The following ARHGEF33 variants were observed in gnomAD, a reference collection of about 807,000 sequenced individuals.
ARHGEF33 encodes DH and coiled-coil domain-containing protein ENSP00000381780.
ARHGEF33 carries 72 observed loss-of-function variants against 101.9 expected under a neutral mutation model. The observed-to-expected ratio is 0.71, with a 90% CI of 0.58 to 0.86. The LOEUF (loss-of-function observed/expected upper bound fraction) is 0.86. ARHGEF33 is among the 40% of genes least tolerant of loss of function. The pLI, the probability that ARHGEF33 is intolerant of heterozygous loss-of-function variation, is 0.00. For missense variants in ARHGEF33, 1,169 were observed against 1,111.3 expected, an observed-to-expected ratio of 1.05 and a Z score of -0.74; for synonymous variants, 499 against 442.5, an observed-to-expected ratio of 1.13 and a Z score of -1.60.
rs959891185 is a variant in ARHGEF33 at position 38,960,078 on chromosome 2, G to A, written c.1773G>A (p.Val591=). ...CTCCGGCGGAGCCGCTGGGCAACGTGGAGCGCTCCCTGCGCGCCCCGGCCG... is the reference window on the plus strand; with the variant it reads ...CTCCGGCGGAGCCGCTGGGCAACGTAGAGCGCTCCCTGCGCGCCCCGGCCG... ...ESSPAEPLGN[V]ERSLRAPAEL... is the part of the protein sequence containing the mutation. The change falls in exon 16 of 18, where the codon GTG becomes GTA. Residue 591 remains valine (V), a synonymous_variant. Coordinates refer to ENST00000409978, the MANE Select transcript of ARHGEF33 (RefSeq NM_001145451.5). 1.9e-6 allele frequency: 3 copies of A among 1,542,354 alleles called. No homozygotes were observed. In the Admixed American group the frequency reaches 5.9e-5, roughly 30 times the overall value.
rs549802833 is a variant in ARHGEF33 at position 38,960,391 on chromosome 2, G to A, written c.2086G>A (p.Ala696Thr). The A allele has an allele frequency of 5.8e-5, 88 of 1,510,370 alleles. No individual in the cohort carries two copies. Among genetic ancestry groups the A allele is most frequent in the Middle Eastern group, 2.3e-4 (1 of 4,344 alleles). The allele number at this position is 1,510,370 out of a possible 1,614,324, so 93.6% of individuals were successfully genotyped here. Residue 696 changes from alanine (A) to threonine (T), a missense_variant, in exon 16 of 18, where the codon GCG becomes ACG. Coordinates refer to ENST00000409978, the MANE Select transcript of ARHGEF33 (RefSeq NM_001145451.5). ...SSSAYKLEAA[A>T]QAHGKAKPLS... is the part of the protein sequence containing the mutation. ...CAGCGCCTACAAACTGGAGGCGGCG[G>A]CGCAGGCGCACGGCAAGGCCAAGCC...
rs565767716 is a variant in ARHGEF33 at position 38,889,959 on chromosome 2, A to G, written c.-186A>G. 11 of 470,762 alleles carry G rather than the reference A, an allele frequency of 2.3e-5. No homozygotes were observed. Among genetic ancestry groups the G allele is most frequent in the East Asian group, 1.4e-4 (2 of 14,380 alleles). 29.2% of individuals were successfully genotyped at this position (470,762 alleles called of 1,614,324 possible). A position where few individuals can be genotyped will look rare whatever the true frequency, so the allele number is the denominator to read the frequency against. Reference sequence around the variant, plus strand: ...AACCCAGATAAGCCTTGATCTGAGGATGATATAACCACCGCAGGCAACATG... The same window carrying G: ...AACCCAGATAAGCCTTGATCTGAGGGTGATATAACCACCGCAGGCAACATG... On this transcript the variant is annotated 5_prime_UTR_variant, in exon 1 of 18. The change abolishes an upstream ATG in the 5' untranslated region. Coordinates refer to ENST00000409978, the MANE Select transcript of ARHGEF33 (RefSeq NM_001145451.5).
At position 38,956,816 on chromosome 2, in the gene ARHGEF33, A is replaced by G; in HGVS notation, c.1222-83A>G. 2.8e-6 allele frequency: 4 copies of G among 1,453,444 alleles called. No individual in the cohort carries two copies. In the Admixed American group the frequency reaches 6.1e-5, roughly 22 times the overall value. The allele number at this position is 1,453,444 out of a possible 1,614,324, so 90.0% of individuals were successfully genotyped here. A position where few individuals can be genotyped will look rare whatever the true frequency, so the allele number is the denominator to read the frequency against. On this transcript the variant is annotated intron_variant, in intron 13 of 17. Coordinates refer to ENST00000409978, the MANE Select transcript of ARHGEF33 (RefSeq NM_001145451.5). Reference sequence around the variant, plus strand: ...ATTAAATGGCTATGAATCTCCCACAATAGATCAAGGTGAGGTGCAGAAGAG... The same window carrying G: ...ATTAAATGGCTATGAATCTCCCACAGTAGATCAAGGTGAGGTGCAGAAGAG...
intron 2 of ARHGEF33, among the ~76,000 whole-genome samples, chr2:38,910,288 C>T (rs1023667526): frequency 4.6e-5 from 7 of 152,282 alleles, no homozygotes; most frequent in Middle Eastern, 3.4e-3. Flanking sequence ...AAATTATTGG[C>T]AGCCAAGTGT....
intron 16 of ARHGEF33, 86 bp from the exon 17 acceptor site, chr2:38,965,920 C>T: frequency 1.3e-6 from 2 of 1,487,404 alleles, no homozygotes; most frequent in South Asian, 1.3e-5. Context: ...AGAGGAAAGT[C>T]ACAACACCAC....
intron 7 of ARHGEF33, among the ~76,000 whole-genome samples, chr2:38,934,173 T>C (rs1667071889): frequency 6.6e-6 from 1 of 152,238 alleles, no homozygotes; most frequent in Non-Finnish European, 1.5e-5. Context: ...TAGTTTTTGG[T>C]ACCCTTGATA....
Position 38,958,248 on chromosome 2 carries a change from A to G in ARHGEF33, c.1535+50A>G, listed in dbSNP as rs10173563. Reference sequence around the variant, plus strand: ...GTTAATGCCAATGCCTTTGGGACCCAGCCAGTCTGTGCGGGTTAGCAGGGC... The same window carrying G: ...GTTAATGCCAATGCCTTTGGGACCCGGCCAGTCTGTGCGGGTTAGCAGGGC... On this transcript the variant is annotated intron_variant, in intron 15 of 17. Coordinates refer to ENST00000409978, the MANE Select transcript of ARHGEF33 (RefSeq NM_001145451.5). The G allele has an allele frequency of 0.014, 21,220 of 1,546,018 alleles. 2,338 individuals carry two copies. In the African/African-American group the frequency reaches 0.24, roughly 18 times the overall value.
At chr2:38,952,508 A>C (rs940951990) in intron 11 of ARHGEF33, among the ~76,000 whole-genome samples, 2 of 152,210 alleles carry the variant, frequency 1.3e-5, no homozygotes, top group Non-Finnish European at 2.9e-5. Context: ...TGATTGACTG[A>C]AATGAAATGG....
At chr2:38,918,149 A>G (rs1666676009) in intron 2 of ARHGEF33, among the ~76,000 whole-genome samples, 1 of 152,236 alleles carries the variant, frequency 6.6e-6, no homozygotes. Flanking sequence ...TACGGCTAGC[A>G]GCAATGCCTA....
chr2:38,907,058 A>G (rs533937296), intron 2 of ARHGEF33, among the ~76,000 whole-genome samples: 1 of 152,220 alleles, frequency 6.6e-6, no homozygotes, highest in South Asian at 2.1e-4. Flanking sequence ...TTGCCCTTTG[A>G]GGGTTGAGCA....
Position 38,973,870 on chromosome 2 carries a change from TG to T in ARHGEF33, c.*29del. ...ACATACTTAAAGTTGTATTGTCAAG[TG>T]GTAAGATGAGGATAAAAAGCTTGTA... is the stretch of plus-strand genomic sequence containing the variant. On this transcript the variant is annotated 3_prime_UTR_variant, in exon 18 of 18. Coordinates refer to ENST00000409978, the MANE Select transcript of ARHGEF33 (RefSeq NM_001145451.5). The T allele has an allele frequency of 6.6e-7, 1 of 1,524,736 alleles. No homozygotes were observed. The highest frequency in any genetic ancestry group is 8.8e-7 in the Non-Finnish European group (1 of 1,135,022). The allele number at this position is 1,524,736 out of a possible 1,614,324, so 94.5% of individuals were successfully genotyped here.
chr2:38,922,858 A>G (rs569678252), intron 4 of ARHGEF33, among the ~76,000 whole-genome samples: 1 of 152,284 alleles, frequency 6.6e-6, no homozygotes, highest in Non-Finnish European at 1.5e-5. Context: ...ACAAGTAGGT[A>G]TAGGTAAGGT....
intron 2 of ARHGEF33, among the ~76,000 whole-genome samples, chr2:38,914,890 C>G (rs1254466039): frequency 6.6e-6 from 1 of 151,966 alleles, no homozygotes; most frequent in Non-Finnish European, 1.5e-5. Flanking sequence ...GGGAGGAACA[C>G]TTTTACCTCT....
chr2:38,931,897 A>G (rs1212905949), intron 7 of ARHGEF33, among the ~76,000 whole-genome samples: 6 of 152,182 alleles, frequency 3.9e-5, no homozygotes, highest in South Asian at 2.1e-4. Context: ...ATTTCCTCTT[A>G]TTTATGGTCT....
chr2:38,906,188 CAAAAA>C (rs70954773), intron 2 of ARHGEF33, among the ~76,000 whole-genome samples: 2 of 66,006 alleles, frequency 3.0e-5, no homozygotes, highest in Admixed American at 1.6e-4. Context: ...GACTCTGTCT[CAAAAA>C]AAAAAAAAAA....
chr2:38,974,074 GA>G lies in ARHGEF33; in HGVS notation c.*235del, dbSNP rs1201231101. ...TGGCTTTTTGAACCTCAACACTGGG[GA>G]AAAGGGAAATGAAGACTTTTCACAT... On this transcript the variant is annotated 3_prime_UTR_variant, in exon 18 of 18. Coordinates refer to ENST00000409978, the MANE Select transcript of ARHGEF33 (RefSeq NM_001145451.5). The G allele has an allele frequency of 2.3e-5, 4 of 175,594 alleles. No individual in the cohort carries two copies. The highest frequency in any genetic ancestry group is 3.5e-5 in the Non-Finnish European group (3 of 86,270). The allele number at this position is 175,594 out of a possible 1,614,324, so 10.9% of individuals were successfully genotyped here. A position where few individuals can be genotyped will look rare whatever the true frequency, so the allele number is the denominator to read the frequency against.
intron 2 of ARHGEF33, among the ~76,000 whole-genome samples, chr2:38,906,951 C>G (rs1289266742): frequency 6.6e-6 from 1 of 151,860 alleles, no homozygotes; most frequent in African/African-American, 2.4e-5. Flanking sequence ...CCCCCTGTCT[C>G]AAAAAAAGAT....
intron 9 of ARHGEF33, among the ~76,000 whole-genome samples, chr2:38,943,368 GC>G (rs1667361401): frequency 6.6e-6 from 1 of 152,190 alleles, no homozygotes; most frequent in South Asian, 2.1e-4. Context: ...GGGGAAGAAG[GC>G]TGAGGGAAGT....
chr2:38,943,361 G>C (rs1358917666), intron 9 of ARHGEF33, among the ~76,000 whole-genome samples: 1 of 152,204 alleles, frequency 6.6e-6, no homozygotes, highest in Non-Finnish European at 1.5e-5. Flanking sequence ...ATCTACAGGG[G>C]AAGAAGGCTG....
Sources: gnomAD v4.1 joint callset for allele counts (sites outside exome capture counted in the v4.1 genomes callset) on GRCh38, gnomAD v4.1.1 for gene constraint, MANE v1.5 for transcripts, NCBI Gene and HGNC (gene_info 2026-07-23, HGNC 2026-07-21) for gene names.